KMT2A: variants seen among roughly 807,000 people sequenced by gnomAD.
KMT2A encodes the protein histone-lysine N-methyltransferase 2A.
In KMT2A, 16 loss-of-function variants were observed where a neutral mutation model predicts 345.3. That is an observed-to-expected ratio of 0.05 (90% CI 0.03 to 0.07). The LOEUF (loss-of-function observed/expected upper bound fraction) is 0.07. Ranked by LOEUF, KMT2A falls within the 10% of genes least tolerant of loss-of-function variation. The pLI, the probability that KMT2A is intolerant of heterozygous loss-of-function variation, is 1.00. For synonymous variants in KMT2A, 1,599 were observed against 1,778.6 expected, an observed-to-expected ratio of 0.90 and a Z score of 2.54; for missense variants, 3,272 against 4,841.6, an observed-to-expected ratio of 0.68 and a Z score of 9.62.
rs1591379543 is a variant in KMT2A, at chr11:118,476,676, C to G, written c.3157-129C>G. The G allele has an allele frequency of 6.9e-6, 5 of 725,434 alleles. No individual in the cohort carries two copies. The highest frequency in any genetic ancestry group is 9.0e-6 in the Non-Finnish European group (4 of 446,200). The allele number at this position is 725,434 out of a possible 1,614,324, so 44.9% of individuals were successfully genotyped here. A position where few individuals can be genotyped will look rare whatever the true frequency, so the allele number is the denominator to read the frequency against. ...TTTCTGTTTTGATATGATTTATCAG[C>G]TGGGAATAATTAGAGTTGTGTGTTT... On this transcript the variant is annotated intron_variant, in intron 3 of 35. Coordinates refer to ENST00000534358, the MANE Select transcript of KMT2A (RefSeq NM_001197104.2). This position sits in a 1 kb window ranked among gnomAD's most constrained non-coding sequence, Gnocchi z 4.1.
intron 28 of KMT2A, 35 bp from the exon 29 acceptor site, chr11:118,509,101 G>A (rs1326803640): frequency 1.3e-6 from 2 of 1,585,466 alleles, no homozygotes; most frequent in Non-Finnish European, 1.7e-6. Flanking sequence ...TGAAGAACTA[G>A]CTGATATTAT....
In KMT2A at chr11:118,497,003, AGTTTCGCTCTTGTT is replaced by A. The variant is rs782402425; in HGVS notation, c.5664+638_5664+651del. Among the ~76,000 whole-genome samples, 7 of 151,122 alleles carry A rather than the reference AGTTTCGCTCTTGTT, an allele frequency of 4.6e-5. No individual in the cohort carries two copies. Among genetic ancestry groups the A allele is most frequent in the Non-Finnish European group, 8.8e-5 (6 of 67,882 alleles). On this transcript the variant is annotated intron_variant, in intron 20 of 35. Transcript: ENST00000534358. The surrounding 1 kb of genome is among the most constrained non-coding windows in gnomAD (Gnocchi z 4.8). Reference sequence around the variant, plus strand: ...TGTTTTGTTTTGTTTTTTTGAGCGGAGTTTCGCTCTTGTTGCCCAGGCTGGAGTTTCGCTCTTGT... The same window carrying A: ...TGTTTTGTTTTGTTTTTTTGAGCGGAGCCCAGGCTGGAGTTTCGCTCTTGT...
intron 28 of KMT2A, among the ~76,000 whole-genome samples, chr11:118,508,815 A>T (rs1295437381): frequency 1.3e-5 from 2 of 151,958 alleles, no homozygotes; most frequent in African/African-American, 4.8e-5. Flanking sequence ...TTATTTAAGT[A>T]ACTTTAGAAT....
chr11:118,509,998 C>T lies in KMT2A; in HGVS notation c.10951C>T (p.Leu3651Phe). 6.2e-7 allele frequency: 1 copy of T among 1,613,550 alleles called. No homozygotes were observed. The highest frequency in any genetic ancestry group is 8.5e-7 in the Non-Finnish European group (1 of 1,179,600). ...AAGTAATTTCAGCTCCCCACTGATG[C>T]TTTGGCTTCAGCAAGAACAAAAGCG... ...EESNFSSPLMLWLQQEQKRKE... is the reference protein window; with the variant it reads ...EESNFSSPLMFWLQQEQKRKE... Residue 3651 changes from leucine (L) to phenylalanine (F), a missense_variant, in exon 30 of 36, where the codon CTT becomes TTT. This residue lies in a region of KMT2A where 748 missense variants were observed against 922.2 expected (regional missense o/e 0.81). Transcript: ENST00000534358.
Position 118,495,676 on chromosome 11 carries a change from G to T in KMT2A, c.5364-24G>T. ...GGTATACTGTAGGAGTTCAATAAAT[G>T]CTTGTTGAATCAATTATTTTCAGCA... On this transcript the variant is annotated intron_variant, in intron 18 of 35. Transcript: ENST00000534358. The surrounding 1 kb of genome is among the most constrained non-coding windows in gnomAD (Gnocchi z 4.1). The T allele has an allele frequency of 6.4e-7, 1 of 1,574,306 alleles. No homozygotes were observed. The highest frequency in any genetic ancestry group is 8.7e-7 in the Non-Finnish European group (1 of 1,153,054).
At chr11:118,488,826 C>A in intron 11 of KMT2A, 66 bp downstream of exon 11, 1 of 1,477,496 alleles carries the variant, frequency 6.8e-7, no homozygotes, top group Non-Finnish European at 9.3e-7. Context: ...TCCCTGGACT[C>A]AACCAACCTT....
Position 118,484,521 on chromosome 11 carries a change from A to G in KMT2A, c.4218+207A>G, listed in dbSNP as rs9332799. Reference sequence around the variant, plus strand: ...GTGAACTGACTGCAGAACATACATAATGAAACATTCCTATCCATCCTGAGC... The same window carrying G: ...GTGAACTGACTGCAGAACATACATAGTGAAACATTCCTATCCATCCTGAGC... On this transcript the variant is annotated intron_variant, in intron 9 of 35. Transcript: ENST00000534358. This position sits in a 1 kb window ranked among gnomAD's most constrained non-coding sequence, Gnocchi z 4.1. Among the ~76,000 whole-genome samples, 58 of 152,332 alleles carry G rather than the reference A, an allele frequency of 3.8e-4. No individual in the cohort carries two copies. Among genetic ancestry groups the G allele is most frequent in the African/African-American group, 1.3e-3 (55 of 41,584 alleles).
rs576754943 is a variant in KMT2A at position 118,455,676 on chromosome 11, T to A, written c.433-13099T>A. Among the ~76,000 whole-genome samples the A allele has an allele frequency of 5.7e-3, 859 of 150,270 alleles. 7 individuals carry two copies. Among genetic ancestry groups the A allele is most frequent in the African/African-American group, 0.02 (822 of 40,792 alleles). ...TCTGCCCCTTATTATTATTATTTTT[T>A]TTTATTTTTATTTTTATTTTTATTT... On this transcript the variant is annotated intron_variant, in intron 1 of 35. Coordinates refer to ENST00000534358, the MANE Select transcript of KMT2A (RefSeq NM_001197104.2).
chr11:118,505,235 C>G lies in KMT2A; in HGVS notation c.9343C>G (p.Pro3115Ala), dbSNP rs140941483. 1.2e-6 allele frequency: 2 copies of G among 1,614,058 alleles called. No individual in the cohort carries two copies. The highest frequency in any genetic ancestry group is 4.5e-5 in the East Asian group (2 of 44,884). The change falls in exon 27 of 36, where the codon CCC becomes GCC. Residue 3115 changes from proline to alanine, a missense_variant. Physicochemically the swap from Pro to Ala is conservative, Grantham distance 27 (BLOSUM62 -1). Around this residue, in one of 27 missense-constraint regions of KMT2A, gnomAD observed 748 missense variants for 922.2 expected, o/e 0.81. Transcript: ENST00000534358. This position sits in a 1 kb window ranked among gnomAD's most constrained non-coding sequence, Gnocchi z 4.6. ...IQLTSSVSST[P>A]SVMETNTSVL... ...ATTGACCTCTTCTGTTAGTTCTACACCCAGTGTGATGGAGACAAATACTTC... is the reference window on the plus strand; with the variant it reads ...ATTGACCTCTTCTGTTAGTTCTACAGCCAGTGTGATGGAGACAAATACTTC...
In KMT2A at chr11:118,505,088, G is replaced by A. The variant is rs2134403730; in HGVS notation, c.9196G>A (p.Ala3066Thr). Residue 3066 changes from alanine to threonine, a missense_variant, in exon 27 of 36, where the codon GCT becomes ACT. Ala to Thr is a moderately conservative substitution (Grantham distance 58). This residue lies in a region of KMT2A where 748 missense variants were observed against 922.2 expected (regional missense o/e 0.81). Coordinates refer to ENST00000534358, the MANE Select transcript of KMT2A (RefSeq NM_001197104.2). The surrounding 1 kb of genome is among the most constrained non-coding windows in gnomAD (Gnocchi z 4.6). ...SPGPSQISNA[A>T]VQTTPPHLKP... ...TGGCCCGTCTCAGATTTCCAATGCA[G>A]CTGTCCAGACCACTCCACCCCACCT... is the stretch of plus-strand genomic sequence containing the variant. The A allele has an allele frequency of 6.2e-7, 1 of 1,613,962 alleles. No individual in the cohort carries two copies. Among genetic ancestry groups the A allele is most frequent in the East Asian group, 2.2e-5 (1 of 44,884 alleles).
rs577470983 is a variant in KMT2A, at chr11:118,510,409, A to T, written c.11071+291A>T. On this transcript the variant is annotated intron_variant, in intron 30 of 35. Transcript: ENST00000534358. The surrounding 1 kb of genome is among the most constrained non-coding windows in gnomAD (Gnocchi z 4.1). ...CAGCCTTGTTTTTTGCCATTCCCTC[A>T]TGCGCCTTCTGTGCCCTTCTCTCTC... Among the ~76,000 whole-genome samples the T allele has an allele frequency of 6.6e-6, 1 of 152,172 alleles. No individual in the cohort carries two copies. The highest frequency in any genetic ancestry group is 2.1e-4 in the South Asian group (1 of 4,812).
At chr11:118,455,669 TA>T (rs1255583447) in intron 1 of KMT2A, among the ~76,000 whole-genome samples, 28 of 149,172 alleles carry the variant, frequency 1.9e-4, no homozygotes, top group African/African-American at 6.7e-4. Flanking sequence ...TTATTATTAT[TA>T]TTTTTTTTTA....
chr11:118,496,496 T>C lies in KMT2A; in HGVS notation c.5664+129T>C, dbSNP rs1266942057. 4 of 570,924 alleles carry C rather than the reference T, an allele frequency of 7.0e-6. No individual in the cohort carries two copies. Among genetic ancestry groups the C allele is most frequent in the Non-Finnish European group, 1.2e-5 (4 of 322,938 alleles). 35.4% of individuals were successfully genotyped at this position (570,924 alleles called of 1,614,324 possible). On this transcript the variant is annotated intron_variant, in intron 20 of 35. Coordinates refer to ENST00000534358, the MANE Select transcript of KMT2A (RefSeq NM_001197104.2). The surrounding 1 kb of genome is among the most constrained non-coding windows in gnomAD (Gnocchi z 4.7). ...TACTTATAACTTACTAATTTATAAC[T>C]TTTATTTACCTATAACTTATAACTT...
At chr11:118,513,956 AAAG>A (rs1373847598) in intron 31 of KMT2A, among the ~76,000 whole-genome samples, 31 of 151,068 alleles carry the variant, frequency 2.1e-4, no homozygotes, top group Non-Finnish European at 3.7e-4. Context: ...AAAAAAAAAA[AAAG>A]AAAAAGAAAA....
At position 118,472,111 on chromosome 11, in the gene KMT2A, C is replaced by G; in HGVS notation, c.952C>G (p.Leu318Val). 6.2e-7 allele frequency: 1 copy of G among 1,613,978 alleles called. No individual in the cohort carries two copies. Among genetic ancestry groups the G allele is most frequent in the South Asian group, 1.1e-5 (1 of 91,070 alleles). Residue 318 changes from leucine (L) to valine (V), a missense_variant, in exon 3 of 36, where the codon CTC (leucine) becomes GTC (valine). Transcript: ENST00000534358. ...AGAAAGGATAAAGACCCCTTCGGGT[C>G]TCCTCATTAATTCTGAACTGGAAAA... ...STERIKTPSG[L>V]LINSELEKPQ...
Position 118,520,959 on chromosome 11 carries a change from G to C in KMT2A, c.11513+74G>C. 4.5e-6 allele frequency: 5 copies of C among 1,107,406 alleles called. No individual in the cohort carries two copies. The highest frequency in any genetic ancestry group is 6.9e-6 in the Non-Finnish European group (5 of 722,944). The allele number at this position is 1,107,406 out of a possible 1,614,324, so 68.6% of individuals were successfully genotyped here. A position where few individuals can be genotyped will look rare whatever the true frequency, so the allele number is the denominator to read the frequency against. On this transcript the variant is annotated intron_variant, in intron 34 of 35. Coordinates refer to ENST00000534358, the MANE Select transcript of KMT2A (RefSeq NM_001197104.2). The surrounding 1 kb of genome is among the most constrained non-coding windows in gnomAD (Gnocchi z 4.3). ...CAAAATCAAAGCAGACCAAATGCTG[G>C]AGTGACCTTCCTCACTCAGTAAGTG...
rs546677558 is a variant in KMT2A at position 118,487,762 on chromosome 11, T to C, written c.4333-852T>C. Among the ~76,000 whole-genome samples the C allele has an allele frequency of 2.6e-4, 39 of 152,384 alleles. No individual in the cohort carries two copies. The South Asian group carries it at 7.7e-3, about 30-fold the overall frequency. On this transcript the variant is annotated intron_variant, in intron 10 of 35. Coordinates refer to ENST00000534358, the MANE Select transcript of KMT2A (RefSeq NM_001197104.2). The stretch of plus-strand genomic sequence containing the variant: ...ACTGGTACATTACTATTATCTGATC[T>C]ATAGGCCTTATTTAGGTTTGACCAA...
In KMT2A at chr11:118,473,179, G is replaced by T. The variant is rs1949973492; in HGVS notation, c.2020G>T (p.Ala674Ser). The change falls in exon 3 of 36, where the codon GCT (alanine) becomes TCT (serine). Residue 674 changes from alanine (A) to serine (S), a missense_variant. By Grantham distance (99) the Ala-to-Ser change is moderately conservative. Coordinates refer to ENST00000534358, the MANE Select transcript of KMT2A (RefSeq NM_001197104.2). The surrounding 1 kb of genome is among the most constrained non-coding windows in gnomAD (Gnocchi z 5.2). ...TGGTTTTTCTGCATCTGGTACCGCT[G>T]CTTCAGCCCGATTGTTTTCGCCACT... ...ASGFSASGTAASARLFSPLHS... is the reference protein window; with the variant it reads ...ASGFSASGTASSARLFSPLHS... 1 of 1,613,904 alleles carries T rather than the reference G, an allele frequency of 6.2e-7. No individual in the cohort carries two copies. Among genetic ancestry groups the T allele is most frequent in the Admixed American group, 1.7e-5 (1 of 59,998 alleles).
chr11:118,452,884 G>T (rs910767595), intron 1 of KMT2A, among the ~76,000 whole-genome samples: 19 of 150,972 alleles, frequency 1.3e-4, no homozygotes, highest in African/African-American at 4.6e-4. Flanking sequence ...TGCCCACCTC[G>T]GCCTCCCAAA....
Sources: allele counts gnomAD v4.1 joint callset (sites outside exome capture counted in the v4.1 genomes callset), GRCh38; gene constraint gnomAD v4.1.1; regional missense constraint gnomAD v4.1.1; non-coding constraint Gnocchi (gnomAD v3.1); transcripts MANE v1.5; gene names NCBI Gene and HGNC (gene_info 2026-07-23, HGNC 2026-07-21).